GAPVD1: variants seen among roughly 807,000 people sequenced by gnomAD.
The protein encoded by GAPVD1 is GTPase activating protein and VPS9 domains 1.
A neutral mutation model predicts 155.5 loss-of-function variants in GAPVD1; 35 were observed. The observed-to-expected ratio is 0.23, with a 90% CI of 0.17 to 0.30. The LOEUF (loss-of-function observed/expected upper bound fraction) is 0.30, where lower values mean the gene tolerates loss of function less well. Ranked by LOEUF, GAPVD1 falls within the 10% of genes least tolerant of loss-of-function variation. The pLI is 1.00. For synonymous variants in GAPVD1, 636 were observed against 619.7 expected (o/e 1.03, Z -0.39); for missense variants, 1,429 against 1,775.7 (o/e 0.80, Z 3.51).
intron 1 of GAPVD1, among the ~76,000 whole-genome samples, chr9:125,264,848 A>G (rs530694853): frequency 1.3e-5 from 2 of 151,074 alleles, no homozygotes; most frequent in East Asian, 3.9e-4. Flanking sequence ...CCTCCCAGGT[A>G]GCTGGGACTA....
At chr9:125,296,449 G>A (rs1028452051) in intron 3 of GAPVD1, among the ~76,000 whole-genome samples, 21 of 148,582 alleles carry the variant, frequency 1.4e-4, no homozygotes, top group African/African-American at 5.3e-4. Flanking sequence ...CTGCCTCCTG[G>A]GTTCAAGCAA....
chr9:125,332,689 CTG>C, intron 15 of GAPVD1, 60 bp downstream of exon 15: 1 of 1,404,012 alleles, frequency 7.1e-7, no homozygotes, highest in South Asian at 1.2e-5. Context: ...GAAACTGGCA[CTG>C]TGACACATTG....
At chr9:125,360,482 T>C in intron 26 of GAPVD1, 46 bp from the exon 27 acceptor site, 1 of 1,500,618 alleles carries the variant, frequency 6.7e-7, no homozygotes, top group Non-Finnish European at 9.3e-7. Flanking sequence ...CTGCGCAGGG[T>C]TGCCACTGGA....
intron 2 of GAPVD1, among the ~76,000 whole-genome samples, chr9:125,293,852 T>TA (rs1839177348): frequency 2.0e-3 from 72 of 35,172 alleles, no homozygotes; most frequent in East Asian, 2.7e-3. Flanking sequence ...AAAATATATT[T>TA]TATATATATA....
chr9:125,275,305 A>G (rs1420408455), intron 2 of GAPVD1, among the ~76,000 whole-genome samples: 1 of 152,028 alleles, frequency 6.6e-6, no homozygotes, highest in Non-Finnish European at 1.5e-5. Flanking sequence ...TGAACTCCTG[A>G]CCTCAGGTGA....
chr9:125,327,137 T>G (rs1845303021), intron 12 of GAPVD1, among the ~76,000 whole-genome samples: 3 of 152,166 alleles, frequency 2.0e-5, no homozygotes, highest in Admixed American at 2.0e-4. Flanking sequence ...AGACAGGATT[T>G]CGCTTTGTTG....
chr9:125,287,574 A>C (rs1837908536), intron 2 of GAPVD1, among the ~76,000 whole-genome samples: 1 of 152,130 alleles, frequency 6.6e-6, no homozygotes, highest in Non-Finnish European at 1.5e-5. Context: ...TATGTAGGGA[A>C]ATAGCATAAA....
In GAPVD1 at chr9:125,298,847, A is replaced by C. The variant is rs1840320263; in HGVS notation, c.-32-43A>C. 1.2e-5 allele frequency: 10 copies of C among 815,334 alleles called. No individual in the cohort carries two copies. In the East Asian group the frequency reaches 2.7e-4, roughly 22 times the overall value. 50.5% of individuals were successfully genotyped at this position (815,334 alleles called of 1,614,324 possible). A position where few individuals can be genotyped will look rare whatever the true frequency, so the allele number is the denominator to read the frequency against. ...CCTTTTGATTTTAGAAAAGAACTTA[A>C]GTGACATACATAAACTTTAAATCTT... is the stretch of plus-strand genomic sequence containing the variant. On this transcript the variant is annotated intron_variant, in intron 3 of 27. Transcript: ENST00000297933.
intron 12 of GAPVD1, among the ~76,000 whole-genome samples, chr9:125,328,693 C>T (rs1198069090): frequency 6.6e-6 from 1 of 151,564 alleles, no homozygotes; most frequent in Non-Finnish European, 1.5e-5. Flanking sequence ...GTCATCCTGG[C>T]CCGTTCTCAA....
chr9:125,354,940 C>A, intron 24 of GAPVD1, 99 bp downstream of exon 24: 1 of 769,000 alleles, frequency 1.3e-6, no homozygotes, highest in Non-Finnish European at 2.2e-6. Context: ...CAAGTATCTG[C>A]ATGCCTTAAA....
In GAPVD1 at chr9:125,354,568, T is replaced by C. The variant is rs980672113; in HGVS notation, c.3570-86T>C. On this transcript the variant is annotated intron_variant, in intron 23 of 27. Coordinates refer to ENST00000297933, the MANE Select transcript of GAPVD1 (RefSeq NM_001282680.3). ...GTAAAACCAGTCTGTGCAGTAATTT[T>C]TCTAAAGAAAAGTTAGGACCCTTAT... is the stretch of plus-strand genomic sequence containing the variant. The C allele has an allele frequency of 3.6e-5, 30 of 841,950 alleles. No homozygotes were observed. In the African/African-American group the frequency reaches 5.1e-4, roughly 14 times the overall value. 52.2% of individuals were successfully genotyped at this position (841,950 alleles called of 1,614,324 possible). A position where few individuals can be genotyped will look rare whatever the true frequency, so the allele number is the denominator to read the frequency against.
chr9:125,302,090 A>G lies in GAPVD1; in HGVS notation c.293A>G (p.Glu98Gly). 6.2e-7 allele frequency: 1 copy of G among 1,613,526 alleles called. No homozygotes were observed. Among genetic ancestry groups the G allele is most frequent in the African/African-American group, 1.3e-5 (1 of 74,890 alleles). ...QLGFQETAYG[E>G]FLSRLRENPR... ...GGATTTCAGGAGACTGCTTATGGAG[A>G]ATTCTTGAGTCGATTGAGGGAAAAT... Residue 98 changes from glutamate to glycine, a missense_variant, in exon 5 of 28, where the codon GAA becomes GGA. Coordinates refer to ENST00000297933, the MANE Select transcript of GAPVD1 (RefSeq NM_001282680.3).
intron 1 of GAPVD1, among the ~76,000 whole-genome samples, chr9:125,264,861 G>A (rs1833582857): frequency 6.6e-6 from 1 of 151,480 alleles, no homozygotes; most frequent in African/African-American, 2.4e-5. Context: ...TGGGACTACA[G>A]GTGCTGCCAC....
chr9:125,355,597 A>G, intron 24 of GAPVD1, 47 bp from the exon 25 acceptor site: 1 of 1,098,746 alleles, frequency 9.1e-7, no homozygotes, highest in Non-Finnish European at 1.3e-6. Flanking sequence ...AAAATTATTT[A>G]GATAGTTTTT....
At chr9:125,312,669 T>G in intron 9 of GAPVD1, 57 bp downstream of exon 9, 1 of 1,322,482 alleles carries the variant, frequency 7.6e-7, no homozygotes. Flanking sequence ...TACAGGCTGC[T>G]GTAACAAAAC....
intron 2 of GAPVD1, among the ~76,000 whole-genome samples, chr9:125,288,260 C>T (rs1243670272): frequency 1.3e-5 from 2 of 151,812 alleles, no homozygotes; most frequent in South Asian, 2.1e-4. Flanking sequence ...TATAGGCGCG[C>T]ACCACCACAC....
Position 125,292,831 on chromosome 9 carries a change from G to T in GAPVD1, c.-149-2627G>T, listed in dbSNP as rs188710769. ...GGAAGTATGGAGTATTAATTAAGGG[G>T]AGTCTTAATTGAGCACACAGGCTCT... is the stretch of plus-strand genomic sequence containing the variant. On this transcript the variant is annotated intron_variant, in intron 2 of 27. Transcript: ENST00000297933. 3.5e-4 allele frequency among the ~76,000 whole-genome samples: 54 copies of T among 152,268 alleles called. 1 individual carries two copies. Among genetic ancestry groups the T allele is most frequent in the Admixed American group, 1.0e-3 (16 of 15,278 alleles).
intron 2 of GAPVD1, among the ~76,000 whole-genome samples, chr9:125,289,474 A>G (rs1039818466): frequency 6.6e-6 from 1 of 152,204 alleles, no homozygotes. Flanking sequence ...GAAGATACAC[A>G]TCAGGATTTG....
chr9:125,297,091 G>T (rs1018550231), intron 3 of GAPVD1, among the ~76,000 whole-genome samples: 11 of 152,172 alleles, frequency 7.2e-5, no homozygotes, highest in Non-Finnish European at 1.3e-4. Context: ...AGATTCAAGG[G>T]CATAGCTTAA....
Sources: allele counts gnomAD v4.1 joint callset (sites outside exome capture counted in the v4.1 genomes callset), GRCh38; gene constraint gnomAD v4.1.1; transcripts MANE v1.5; gene names NCBI Gene and HGNC (gene_info 2026-07-23, HGNC 2026-07-21).